PLIN3: variants seen among roughly 807,000 people sequenced by gnomAD.
The protein encoded by PLIN3 is perilipin-3.
A neutral mutation model predicts 35.9 loss-of-function variants in PLIN3; 30 were observed. The ratio of observed to expected loss-of-function variants is 0.84; its 90% CI spans 0.62 to 1.13. The LOEUF (loss-of-function observed/expected upper bound fraction) is 1.13. Among genes scored for constraint, PLIN3 ranks in the 50% most tolerant of loss-of-function variants. The pLI is 0.00. For synonymous variants in PLIN3, 261 were observed against 262.5 expected, an observed-to-expected ratio of 0.99 and a Z score of 0.06; for missense variants, 603 against 596.9, an observed-to-expected ratio of 1.01 and a Z score of -0.11.
intron 5 of PLIN3, 146 bp downstream of exon 5, chr19:4,851,870 G>A (rs1004455185): frequency 1.6e-5 from 13 of 822,270 alleles, no homozygotes; most frequent in African/African-American, 1.5e-4. Flanking sequence ...AGGGGACTGC[G>A]TTAGTGATGA....
chr19:4,844,077 G>A (rs1402553992), intron 7 of PLIN3, among the ~76,000 whole-genome samples: 3 of 152,076 alleles, frequency 2.0e-5, no homozygotes, highest in Non-Finnish European at 4.4e-5. Flanking sequence ...GGGAGCTTAA[G>A]TGGGTGGTGG....
Position 4,844,798 on chromosome 19 carries a change from G to C in PLIN3, c.835-5C>G. The C allele has an allele frequency of 6.3e-7, 1 of 1,591,774 alleles. No homozygotes were observed. The highest frequency in any genetic ancestry group is 2.3e-5 in the East Asian group (1 of 44,262). On this transcript the variant is annotated splice_region_variant and splice_polypyrimidine_tract_variant and intron_variant, in intron 6 of 7. Transcript: ENST00000221957. ...GCCTTGCTTGACAGTTTCCATCTGG[G>C]GCAGGGGAGAGAGAAGTGAGGGAAG...
At chr19:4,861,192 C>T in intron 2 of PLIN3, 137 bp downstream of exon 2, 1 of 743,394 alleles carries the variant, frequency 1.3e-6, no homozygotes, top group Admixed American at 1.9e-5. Context: ...GTCCATACCC[C>T]ACTGAGGAAT....
At chr19:4,841,695 G>A (rs542215725) in intron 7 of PLIN3, among the ~76,000 whole-genome samples, 3 of 150,822 alleles carry the variant, frequency 2.0e-5, no homozygotes, top group Non-Finnish European at 4.4e-5. Flanking sequence ...AGGTCAGGAC[G>A]ATCGGGACCA....
At chr19:4,844,055 C>T (rs927647151) in intron 7 of PLIN3, among the ~76,000 whole-genome samples, 19 of 152,046 alleles carry the variant, frequency 1.2e-4, no homozygotes, top group African/African-American at 4.1e-4. Flanking sequence ...CTGCAAACTT[C>T]CTTTGCCCCT....
At chr19:4,855,749 C>T (rs2030453427) in intron 4 of PLIN3, among the ~76,000 whole-genome samples, 2 of 151,958 alleles carry the variant, frequency 1.3e-5, no homozygotes, top group South Asian at 4.2e-4. Context: ...ATAGCAAGAC[C>T]CCATTCCTAC....
In PLIN3 at chr19:4,839,118, T is replaced by C. The variant is rs2093624682; in HGVS notation, c.*74A>G. ...GAGTGGCTAGAAAATAAGTTTGAAA[T>C]GAGCCCCGGGTTGAGGACTCCAGAG... On this transcript the variant is annotated 3_prime_UTR_variant, in exon 8 of 8. Transcript: ENST00000221957. 1.6e-6 allele frequency: 2 copies of C among 1,231,268 alleles called. No homozygotes were observed. The highest frequency in any genetic ancestry group is 2.3e-6 in the Non-Finnish European group (2 of 879,248). The allele number at this position is 1,231,268 out of a possible 1,614,324, so 76.3% of individuals were successfully genotyped here. A position where few individuals can be genotyped will look rare whatever the true frequency, so the allele number is the denominator to read the frequency against.
intron 7 of PLIN3, among the ~76,000 whole-genome samples, chr19:4,844,366 T>C (rs1286840924): frequency 6.6e-6 from 1 of 152,100 alleles, no homozygotes; most frequent in Non-Finnish European, 1.5e-5. Flanking sequence ...CTAGGGAGGC[T>C]GAGGCAGGAG....
chr19:4,855,401 C>T (rs1385663546), intron 4 of PLIN3, among the ~76,000 whole-genome samples: 1 of 152,114 alleles, frequency 6.6e-6, no homozygotes, highest in African/African-American at 2.4e-5. Flanking sequence ...GGGCTTGGCC[C>T]TGAGACGGGG....
chr19:4,846,012 CAGG>C (rs1360974193), intron 6 of PLIN3, among the ~76,000 whole-genome samples: 2 of 145,014 alleles, frequency 1.4e-5, no homozygotes, highest in East Asian at 2.1e-4. Context: ...ATCAAGAGGT[CAGG>C]AGATCAAGAC....
chr19:4,853,269 C>G (rs542829018), intron 4 of PLIN3, among the ~76,000 whole-genome samples: 1 of 152,192 alleles, frequency 6.6e-6, no homozygotes, highest in East Asian at 1.9e-4. Context: ...CAGCGAGTAG[C>G]TGTGACCACA....
intron 4 of PLIN3, among the ~76,000 whole-genome samples, chr19:4,858,827 G>A (rs1414863457): frequency 2.0e-5 from 3 of 147,728 alleles, no homozygotes; most frequent in Non-Finnish European, 3.0e-5. Flanking sequence ...TCAGCCTCCC[G>A]AGTAGCTGGG....
At chr19:4,852,516 G>C (rs990953572) in intron 4 of PLIN3, among the ~76,000 whole-genome samples, 1 of 152,222 alleles carries the variant, frequency 6.6e-6, no homozygotes, top group Non-Finnish European at 1.5e-5. Context: ...GTGACCCTGA[G>C]TCTGGAGTTG....
At chr19:4,852,349 G>C (rs1568377241) in intron 4 of PLIN3, 48 bp from the exon 5 acceptor site, 1 of 1,574,330 alleles carries the variant, frequency 6.4e-7, no homozygotes, top group South Asian at 1.1e-5. Flanking sequence ...TCCATATCTG[G>C]GCACCCCTCC....
At chr19:4,863,692 G>A (rs1310675137) in intron 1 of PLIN3, among the ~76,000 whole-genome samples, 4 of 150,976 alleles carry the variant, frequency 2.6e-5, no homozygotes, top group East Asian at 2.0e-4. Flanking sequence ...GGTGGTGCAC[G>A]CCTCCATGTT....
chr19:4,855,499 G>A (rs553722888), intron 4 of PLIN3, among the ~76,000 whole-genome samples: 2 of 151,906 alleles, frequency 1.3e-5, no homozygotes, highest in East Asian at 3.9e-4. Flanking sequence ...TTGCTGATAA[G>A]GTGTAGGCAT....
intron 7 of PLIN3, among the ~76,000 whole-genome samples, chr19:4,843,472 C>T (rs2029975577): frequency 6.6e-6 from 1 of 151,018 alleles, no homozygotes. Context: ...TACACCACTG[C>T]ACTCCAGCCT....
intron 7 of PLIN3, among the ~76,000 whole-genome samples, chr19:4,841,791 G>T (rs2029897723): frequency 2.0e-5 from 3 of 149,966 alleles, no homozygotes; most frequent in Admixed American, 1.3e-4. Flanking sequence ...TGTAGTCCTA[G>T]TTACTTAGGA....
At chr19:4,866,512 C>T (rs1417442427) in intron 1 of PLIN3, 2 of 152,204 alleles carry the variant, frequency 1.3e-5, no homozygotes, top group Non-Finnish European at 2.9e-5. Flanking sequence ...GTAAGTGCTC[C>T]ATAAACTATC....
Sources: allele counts gnomAD v4.1 joint callset (sites outside exome capture counted in the v4.1 genomes callset), GRCh38; gene constraint gnomAD v4.1.1; transcripts MANE v1.5; gene names NCBI Gene and HGNC (gene_info 2026-07-23, HGNC 2026-07-21).